Variants in LY75 observed in about 807,000 individuals in gnomAD.
LY75 encodes C-type lectin domain family 13 member B.
Under a neutral mutation model 231.7 loss-of-function variants are expected in LY75, and 185 were observed. The ratio of observed to expected loss-of-function variants is 0.80; its 90% CI spans 0.71 to 0.90. LY75 has a LOEUF of 0.90. Ranked by LOEUF, LY75 falls within the 40% of genes least tolerant of loss-of-function variation. LY75 has a pLI of 0.00. For missense variants in LY75, 1,947 were observed against 2,050.2 expected (o/e 0.95, Z 0.97); for synonymous variants, 668 against 689.0 (o/e 0.97, Z 0.48).
intron 16 of LY75, among the ~76,000 whole-genome samples, chr2:159,855,410 C>T (rs1442649203): frequency 6.6e-6 from 1 of 152,120 alleles, no homozygotes; most frequent in African/African-American, 2.4e-5. Flanking sequence ...TCATTGTCTT[C>T]CAAGATATCC....
intron 14 of LY75, 33 bp downstream of exon 14, chr2:159,864,806 C>A: frequency 2.0e-6 from 3 of 1,500,914 alleles, no homozygotes; most frequent in South Asian, 1.4e-5. Context: ...ACAGTGTTTC[C>A]ATACTACCTA....
Position 159,904,742 on chromosome 2 carries a change from T to C in LY75, c.-60A>G, listed in dbSNP as rs1416177170. ...GGGCGCACGCGGCTCCCGCCCCGCC[T>C]GCTGAGCGCGGCCTGCCCCGCCCGC... On this transcript the variant is annotated 5_prime_UTR_variant, in exon 1 of 35. Transcript: ENST00000263636. 47 of 1,352,954 alleles carry C rather than the reference T, an allele frequency of 3.5e-5. No individual in the cohort carries two copies. The highest frequency in any genetic ancestry group is 9.5e-7 in the Non-Finnish European group (1 of 1,055,810). The allele number at this position is 1,352,954 out of a possible 1,614,324, so 83.8% of individuals were successfully genotyped here.
chr2:159,872,743 C>T (rs773782003), intron 12 of LY75, 150 bp from the exon 13 acceptor site: 94 of 834,712 alleles, frequency 1.1e-4, no homozygotes, highest in Non-Finnish European at 1.6e-4. Context: ...TACTGAGACA[C>T]AGACAGGTCC....
chr2:159,890,452 C>T (rs1178023010), intron 3 of LY75, 75 bp from the exon 4 acceptor site: 1 of 1,589,636 alleles, frequency 6.3e-7, no homozygotes, highest in African/African-American at 1.4e-5. Context: ...CTTAGAAATA[C>T]TGCAAGTCAA....
At chr2:159,852,090 T>G in intron 21 of LY75, 111 bp downstream of exon 21, 1 of 1,421,260 alleles carries the variant, frequency 7.0e-7, no homozygotes, top group Non-Finnish European at 9.4e-7. Flanking sequence ...TCCTGAAACA[T>G]GCAGAGTCTA....
intron 28 of LY75, among the ~76,000 whole-genome samples, chr2:159,823,878 C>T (rs111899886): frequency 0.24 from 37,254 of 152,126 alleles, 6,046 homozygotes; most frequent in Non-Finnish European, 0.37. Context: ...GAAATAAAAT[C>T]CTTGACAGAC....
At chr2:159,891,857 T>A (rs769252673) in intron 3 of LY75, among the ~76,000 whole-genome samples, 3 of 152,206 alleles carry the variant, frequency 2.0e-5, no homozygotes, top group Non-Finnish European at 4.4e-5. Context: ...TTACATTGGA[T>A]TACCTCTAAG....
Position 159,879,796 on chromosome 2 carries a change from G to A in LY75, c.1405-427C>T, listed in dbSNP as rs1056516150. Among the ~76,000 whole-genome samples, 6 of 152,230 alleles carry A rather than the reference G, an allele frequency of 3.9e-5. 1 individual carries two copies. Among genetic ancestry groups the A allele is most frequent in the Admixed American group, 3.3e-4 (5 of 15,294 alleles). ...TAAAATGATGATGGTGGCTAAAATAGCTATTCTCCATGAATTCTAGGTCAA... is the reference window on the plus strand; with the variant it reads ...TAAAATGATGATGGTGGCTAAAATAACTATTCTCCATGAATTCTAGGTCAA... On this transcript the variant is annotated intron_variant, in intron 8 of 34. Coordinates refer to ENST00000263636, the MANE Select transcript of LY75 (RefSeq NM_002349.4).
At chr2:159,836,777 C>T (rs1683843140) in intron 25 of LY75, among the ~76,000 whole-genome samples, 1 of 152,218 alleles carries the variant, frequency 6.6e-6, no homozygotes, top group South Asian at 2.1e-4. Context: ...GCCACTGTGG[C>T]CTCCAGTGTG....
chr2:159,852,098 C>T (rs2162499), intron 21 of LY75, 103 bp downstream of exon 21: 120,898 of 1,468,186 alleles, frequency 0.082, 6,051 homozygotes, highest in East Asian at 0.26. Context: ...CATGCAGAGT[C>T]TATTTCAGTG....
intron 6 of LY75, among the ~76,000 whole-genome samples, chr2:159,883,469 G>A (rs1256306703): frequency 1.3e-5 from 2 of 152,002 alleles, no homozygotes; most frequent in South Asian, 2.1e-4. Context: ...CACCCATAAT[G>A]GAACTTAATG....
Position 159,863,029 on chromosome 2 carries a change from T to A in LY75, c.2199+1810A>T, listed in dbSNP as rs548439094. Among the ~76,000 whole-genome samples the A allele has an allele frequency of 4.7e-3, 706 of 151,118 alleles. 5 individuals are homozygous for A. Among genetic ancestry groups the A allele is most frequent in the African/African-American group, 0.013 (556 of 41,216 alleles). On this transcript the variant is annotated intron_variant, in intron 14 of 34. Transcript: ENST00000263636. Reference sequence around the variant, plus strand: ...CTATGAGATCCTTTTTTTTTTTTTTTAAATTCCACATCTCAGTGATATCAC... The same window carrying A: ...CTATGAGATCCTTTTTTTTTTTTTTAAAATTCCACATCTCAGTGATATCAC...
intron 28 of LY75, among the ~76,000 whole-genome samples, chr2:159,830,731 G>A (rs1026964014): frequency 2.6e-5 from 4 of 151,840 alleles, no homozygotes; most frequent in African/African-American, 7.3e-5. Flanking sequence ...CTAGGCACAC[G>A]TCACCATGCC....
At chr2:159,849,606 G>C (rs1207071422) in intron 23 of LY75, among the ~76,000 whole-genome samples, 1 of 152,160 alleles carries the variant, frequency 6.6e-6, no homozygotes, top group African/African-American at 2.4e-5. Flanking sequence ...CCATCAGAAG[G>C]CTGGGGAGGC....
At chr2:159,861,176 CT>C (rs1378345064) in intron 14 of LY75, among the ~76,000 whole-genome samples, 1 of 151,984 alleles carries the variant, frequency 6.6e-6, no homozygotes, top group African/African-American at 2.4e-5. Flanking sequence ...ATACTTTTTT[CT>C]TTTTTTGCAT....
intron 31 of LY75, among the ~76,000 whole-genome samples, chr2:159,811,174 C>T (rs1682950212): frequency 2.6e-5 from 4 of 151,682 alleles, no homozygotes; most frequent in Admixed American, 2.6e-4. Flanking sequence ...CAGCGCCTAG[C>T]CCGTTGGATT....
intron 32 of LY75, among the ~76,000 whole-genome samples, chr2:159,810,185 G>A (rs1050346469): frequency 6.6e-6 from 1 of 151,364 alleles, no homozygotes; most frequent in Non-Finnish European, 1.5e-5. Flanking sequence ...AGGTGTGTGC[G>A]ACCACACCCA....
chr2:159,844,710 G>A (rs922434690), intron 23 of LY75, among the ~76,000 whole-genome samples: 1 of 148,916 alleles, frequency 6.7e-6, no homozygotes. Flanking sequence ...GATGCCTATG[G>A]GGGAAAAAAA....
intron 29 of LY75, among the ~76,000 whole-genome samples, chr2:159,817,818 C>G (rs540049510): frequency 6.6e-6 from 1 of 151,956 alleles, no homozygotes. Context: ...GAGGCCAAGG[C>G]GGGGGGATCA....
Sources: allele counts gnomAD v4.1 joint callset (sites outside exome capture counted in the v4.1 genomes callset), GRCh38; gene constraint gnomAD v4.1.1; transcripts MANE v1.5; gene names NCBI Gene and HGNC (gene_info 2026-07-23, HGNC 2026-07-21).